The following MAP3K7 variants were observed in gnomAD, a reference collection of about 807,000 sequenced individuals.
The protein encoded by MAP3K7 is TGF-beta activated kinase 1.
In MAP3K7, 21 loss-of-function variants were observed where a neutral mutation model predicts 84.8. The observed-to-expected ratio is 0.25, with a 90% CI of 0.18 to 0.36. The LOEUF is 0.36. MAP3K7 is among the 10% of genes least tolerant of loss of function. The pLI, the probability that MAP3K7 is intolerant of heterozygous loss-of-function variation, is 1.00. For missense variants in MAP3K7, 503 were observed against 747.7 expected (o/e 0.67, Z 3.82); for synonymous variants, 241 against 247.7 (o/e 0.97, Z 0.25).
At chr6:90,554,369 G>A (rs930554168) in intron 6 of MAP3K7, among the ~76,000 whole-genome samples, 1 of 152,156 alleles carries the variant, frequency 6.6e-6, no homozygotes, top group African/African-American at 2.4e-5. Context: ...TACGTTGTAA[G>A]TAACGAAAAT....
intron 1 of MAP3K7, among the ~76,000 whole-genome samples, chr6:90,580,862 G>A (rs1363896364): frequency 6.6e-6 from 1 of 152,146 alleles, no homozygotes; most frequent in African/African-American, 2.4e-5. Context: ...ATTTATGAAT[G>A]TTTTCTAAAT....
intron 12 of MAP3K7, chr6:90,542,563 C>G: frequency 2.3e-6 from 2 of 860,956 alleles, no homozygotes; most frequent in South Asian, 5.3e-5. Context: ...ACTCTAGCTT[C>G]TCTGACTTAA....
At chr6:90,551,241 A>C (rs534525843) in intron 8 of MAP3K7, 1 of 152,282 alleles carries the variant, frequency 6.6e-6, no homozygotes, top group East Asian at 1.9e-4. Context: ...GCTTTGCGTA[A>C]GAAATTTTCA....
chr6:90,558,903 T>TG (rs1372063597), intron 5 of MAP3K7, among the ~76,000 whole-genome samples: 1 of 152,250 alleles, frequency 6.6e-6, no homozygotes, highest in Non-Finnish European at 1.5e-5. Flanking sequence ...AAGAATGCTT[T>TG]GGCTGTATCT....
chr6:90,537,934 A>C (rs1178824555), intron 12 of MAP3K7, among the ~76,000 whole-genome samples: 1 of 151,972 alleles, frequency 6.6e-6, no homozygotes, highest in African/African-American at 2.4e-5. Context: ...AATCTGAGGA[A>C]CCACCCGACA....
intron 13 of MAP3K7, among the ~76,000 whole-genome samples, chr6:90,526,528 C>T (rs372443451): frequency 6.6e-6 from 1 of 151,870 alleles, no homozygotes; most frequent in East Asian, 1.9e-4. Flanking sequence ...GTGAATCATG[C>T]TAATACTTGG....
intron 2 of MAP3K7, among the ~76,000 whole-genome samples, chr6:90,571,100 T>A (rs189133863): frequency 1.1e-4 from 17 of 152,286 alleles, no homozygotes; most frequent in Non-Finnish European, 2.1e-4. Flanking sequence ...CATTGGCCAA[T>A]GAGGTTTAAT....
intron 14 of MAP3K7, among the ~76,000 whole-genome samples, chr6:90,519,564 T>C (rs1775081478): frequency 6.6e-6 from 1 of 152,006 alleles, no homozygotes; most frequent in Non-Finnish European, 1.5e-5. Context: ...ATAAACTGAA[T>C]AGAACACAAT....
At chr6:90,546,762 A>C (rs1776013176) in intron 11 of MAP3K7, among the ~76,000 whole-genome samples, 1 of 152,222 alleles carries the variant, frequency 6.6e-6, no homozygotes, top group Non-Finnish European at 1.5e-5. Context: ...TACAATTAAA[A>C]AAATTAACCA....
chr6:90,547,963 A>G (rs949166559), intron 10 of MAP3K7, 84 bp downstream of exon 10: 1 of 1,104,670 alleles, frequency 9.1e-7, no homozygotes, highest in Admixed American at 3.0e-5. Flanking sequence ...ATAAAATAGA[A>G]GATGGTAAAT....
intron 1 of MAP3K7, among the ~76,000 whole-genome samples, chr6:90,578,747 A>G (rs1409688361): frequency 6.6e-6 from 1 of 152,134 alleles, no homozygotes; most frequent in Non-Finnish European, 1.5e-5. Context: ...CTGAATGGGA[A>G]TTAGAGGTGG....
In MAP3K7 at chr6:90,569,980, C is replaced by G. The variant is rs969078894; in HGVS notation, c.232-1357G>C. On this transcript the variant is annotated intron_variant, in intron 2 of 16. Transcript: ENST00000369329. ...AATAAAAAGCTCTATCTATCTAGAG[C>G]CAACATGTGTGGATTTTTCGTCCAA... Among the ~76,000 whole-genome samples, 3 of 152,016 alleles carry G rather than the reference C, an allele frequency of 2.0e-5. No individual in the cohort carries two copies. In the South Asian group the frequency reaches 6.2e-4, roughly 32 times the overall value.
chr6:90,578,859 T>C (rs1385882568), intron 1 of MAP3K7, among the ~76,000 whole-genome samples: 2 of 152,182 alleles, frequency 1.3e-5, no homozygotes, highest in Admixed American at 1.3e-4. Context: ...GCAATTTTAT[T>C]ATCTGTATAA....
intron 3 of MAP3K7, among the ~76,000 whole-genome samples, chr6:90,562,464 CCTCA>C (rs1776555370): frequency 1.3e-5 from 2 of 152,194 alleles, no homozygotes; most frequent in African/African-American, 4.8e-5. Context: ...GCCCACGGTG[CCTCA>C]CTCACTGCTA....
intron 13 of MAP3K7, among the ~76,000 whole-genome samples, chr6:90,532,251 G>A (rs1775533140): frequency 6.6e-6 from 1 of 152,180 alleles, no homozygotes; most frequent in Admixed American, 6.5e-5. Flanking sequence ...AAAGAACGCT[G>A]GTGGATTTTA....
chr6:90,537,183 C>A (rs1775708539), intron 12 of MAP3K7: 1 of 151,998 alleles, frequency 6.6e-6, no homozygotes, highest in Non-Finnish European at 1.5e-5. Context: ...GCTGTTTATG[C>A]AGTATCTTCT....
chr6:90,535,731 T>G (rs1775649711), intron 13 of MAP3K7, among the ~76,000 whole-genome samples: 2 of 152,064 alleles, frequency 1.3e-5, no homozygotes, highest in Admixed American at 1.3e-4. Flanking sequence ...AAAGCAGCAG[T>G]GATAAAGAGA....
intron 13 of MAP3K7, among the ~76,000 whole-genome samples, chr6:90,527,718 G>C (rs1393649506): frequency 1.3e-5 from 2 of 152,156 alleles, no homozygotes; most frequent in African/African-American, 4.8e-5. Context: ...GATTGCTAAT[G>C]TTCCATTCCT....
At chr6:90,566,350 C>T (rs1776704271) in intron 3 of MAP3K7, among the ~76,000 whole-genome samples, 1 of 152,188 alleles carries the variant, frequency 6.6e-6, no homozygotes, top group East Asian at 1.9e-4. Flanking sequence ...AGCTGATAAG[C>T]AACTTCAGCA....
Sources: allele counts gnomAD v4.1 joint callset (sites outside exome capture counted in the v4.1 genomes callset), GRCh38; gene constraint gnomAD v4.1.1; transcripts MANE v1.5; gene names NCBI Gene and HGNC (gene_info 2026-07-23, HGNC 2026-07-21).